Variants in LRRC4C observed in about 807,000 individuals in gnomAD.
LRRC4C encodes the protein leucine-rich repeat-containing protein 4C.
LRRC4C carries 5 observed loss-of-function variants against 33.6 expected under a neutral mutation model. The ratio of observed to expected loss-of-function variants is 0.15; its 90% CI spans 0.08 to 0.31. The LOEUF (loss-of-function observed/expected upper bound fraction) is 0.31, where lower values mean the gene tolerates loss of function less well. Among genes scored for constraint, LRRC4C ranks in the 10% least tolerant of loss-of-function variants. The pLI, the probability that LRRC4C is intolerant of heterozygous loss-of-function variation, is 1.00. For missense variants in LRRC4C, 560 were observed against 796.7 expected, an observed-to-expected ratio of 0.70 and a Z score of 3.58; for synonymous variants, 329 against 302.0, an observed-to-expected ratio of 1.09 and a Z score of -0.93.
intron 1 of LRRC4C, among the ~76,000 whole-genome samples, chr11:41,289,572 G>A (rs932228531): frequency 6.6e-6 from 1 of 152,176 alleles, no homozygotes; most frequent in African/African-American, 2.4e-5. Flanking sequence ...CATGTGAACA[G>A]AGAAGAGGCC....
At chr11:40,895,839 T>C (rs147421266) in intron 2 of LRRC4C, among the ~76,000 whole-genome samples, 5 of 152,290 alleles carry the variant, frequency 3.3e-5, no homozygotes, top group Non-Finnish European at 7.3e-5. Context: ...TTTGAAGTTA[T>C]CCTGGCATCT....
chr11:40,475,924 C>A (rs555015170), intron 3 of LRRC4C, among the ~76,000 whole-genome samples: 8 of 152,254 alleles, frequency 5.3e-5, no homozygotes, highest in South Asian at 2.1e-4. Flanking sequence ...GTTTCTCACC[C>A]TTGGCACTGT....
In LRRC4C at chr11:40,665,323, AAAATATATATATATATATAT is replaced by A. The variant is rs1225462446; in HGVS notation, c.-406-17065_-406-17046del. Among the ~76,000 whole-genome samples the A allele has an allele frequency of 4.3e-3, 47 of 10,930 alleles. 1 individual carries two copies. The South Asian group carries it at 0.091, about 21-fold the overall frequency. The allele number at this position is 10,930 out of a possible 152,430, so 7.2% of individuals were successfully genotyped here. A position where few individuals can be genotyped will look rare whatever the true frequency, so the allele number is the denominator to read the frequency against. On this transcript the variant is annotated intron_variant, in intron 2 of 6. Transcript: ENST00000528697. Reference sequence around the variant, plus strand: ...ATTGCTTTCTTAAAAAAAAAAAAAAAAAATATATATATATATATATATATATATATATATATATATGTATA... The same window carrying A: ...ATTGCTTTCTTAAAAAAAAAAAAAAAATATATATATATATATATATGTATA...
At chr11:40,395,754 A>T (rs990140822) in intron 3 of LRRC4C, among the ~76,000 whole-genome samples, 3 of 152,144 alleles carry the variant, frequency 2.0e-5, no homozygotes, top group Non-Finnish European at 4.4e-5. Flanking sequence ...TGGGAGGCTG[A>T]GGCGGTCAGA....
intron 3 of LRRC4C, among the ~76,000 whole-genome samples, chr11:40,562,990 C>T (rs1979741): frequency 6.7e-6 from 1 of 150,272 alleles, no homozygotes; most frequent in Non-Finnish European, 1.5e-5. Context: ...TCAGAAGGCT[C>T]TCTCTGCCTA....
At chr11:40,477,397 G>C (rs1953292018) in intron 3 of LRRC4C, among the ~76,000 whole-genome samples, 1 of 152,132 alleles carries the variant, frequency 6.6e-6, no homozygotes, top group African/African-American at 2.4e-5. Flanking sequence ...CTAATTAGGA[G>C]AGGGATGATC....
At chr11:41,339,885 A>G (rs1165110367) in intron 1 of LRRC4C, among the ~76,000 whole-genome samples, 1 of 152,206 alleles carries the variant, frequency 6.6e-6, no homozygotes, top group Non-Finnish European at 1.5e-5. Flanking sequence ...TCATATTTCA[A>G]CAAAGTTACC....
At chr11:41,336,004 G>A (rs950621950) in intron 1 of LRRC4C, among the ~76,000 whole-genome samples, 1 of 152,170 alleles carries the variant, frequency 6.6e-6, no homozygotes, top group African/African-American at 2.4e-5. Context: ...TATTTATGGA[G>A]CAAAGGTAGT....
At chr11:40,258,013 C>A (rs570167028) in intron 4 of LRRC4C, among the ~76,000 whole-genome samples, 1 of 152,142 alleles carries the variant, frequency 6.6e-6, no homozygotes, top group Non-Finnish European at 1.5e-5. Context: ...GATTACTCTT[C>A]GAAATTTCTA....
At chr11:40,594,984 T>C (rs1406556083) in intron 3 of LRRC4C, among the ~76,000 whole-genome samples, 3 of 152,142 alleles carry the variant, frequency 2.0e-5, no homozygotes, top group Non-Finnish European at 4.4e-5. Flanking sequence ...TTATGTTTTA[T>C]TTAATTGTTC....
rs576656023 is a variant in LRRC4C, at chr11:41,258,566, C to T, written c.-496+200865G>A. On this transcript the variant is annotated intron_variant, in intron 1 of 6. Coordinates refer to ENST00000528697, the MANE Select transcript of LRRC4C (RefSeq NM_001258419.2). ...CCTTATTGTGTTTTAATTTTTTTTC[C>T]TTTACAGTCATGTGTAACATCTAAC... Among the ~76,000 whole-genome samples the T allele has an allele frequency of 6.6e-5, 10 of 151,656 alleles. No homozygotes were observed. In the East Asian group the frequency reaches 1.9e-3, roughly 29 times the overall value.
At chr11:41,024,952 T>C (rs1856240010) in intron 1 of LRRC4C, among the ~76,000 whole-genome samples, 1 of 151,660 alleles carries the variant, frequency 6.6e-6, no homozygotes, top group Non-Finnish European at 1.5e-5. Context: ...TATGGTGATC[T>C]GGGACCAATG....
chr11:40,764,703 G>A (rs566953982), intron 2 of LRRC4C, among the ~76,000 whole-genome samples: 11 of 151,362 alleles, frequency 7.3e-5, no homozygotes, highest in Non-Finnish European at 1.2e-4. Context: ...GGGTGCTTGT[G>A]ACACTACTCC....
chr11:40,685,272 T>G (rs1195295852), intron 2 of LRRC4C, among the ~76,000 whole-genome samples: 1 of 152,094 alleles, frequency 6.6e-6, no homozygotes, highest in African/African-American at 2.4e-5. Context: ...TTCTATGTTA[T>G]GTATCTCCAT....
At chr11:40,778,280 T>C (rs1269940037) in intron 2 of LRRC4C, among the ~76,000 whole-genome samples, 1 of 152,210 alleles carries the variant, frequency 6.6e-6, no homozygotes, top group Non-Finnish European at 1.5e-5. Context: ...ATCATTTTTA[T>C]TTCTATTGGA....
chr11:41,249,015 C>T (rs1948544560), intron 1 of LRRC4C, among the ~76,000 whole-genome samples: 1 of 151,582 alleles, frequency 6.6e-6, no homozygotes, highest in Non-Finnish European at 1.5e-5. Context: ...CCACTGTTAT[C>T]TCCCTGGTTT....
intron 1 of LRRC4C, among the ~76,000 whole-genome samples, chr11:41,329,155 G>A (rs1460523640): frequency 2.6e-5 from 4 of 152,184 alleles, no homozygotes; most frequent in African/African-American, 7.2e-5. Context: ...GGTAACTCAT[G>A]ATAGAAAAGA....
chr11:41,040,648 G>T (rs111987259), intron 1 of LRRC4C, among the ~76,000 whole-genome samples: 6 of 152,298 alleles, frequency 3.9e-5, no homozygotes, highest in African/African-American at 1.4e-4. Context: ...GGAAAGTCTT[G>T]TGGTGAAAGA....
At chr11:41,118,910 T>G (rs921928026) in intron 1 of LRRC4C, among the ~76,000 whole-genome samples, 1 of 151,036 alleles carries the variant, frequency 6.6e-6, no homozygotes, top group Admixed American at 6.6e-5. Flanking sequence ...TTTTCTTATC[T>G]TTTTTTTTCA....
Sources: allele counts gnomAD v4.1 joint callset (sites outside exome capture counted in the v4.1 genomes callset), GRCh38; gene constraint gnomAD v4.1.1; transcripts MANE v1.5; gene names NCBI Gene and HGNC (gene_info 2026-07-23, HGNC 2026-07-21).